ZRANB3: variants seen among roughly 807,000 people sequenced by gnomAD.
The protein encoded by ZRANB3 is zinc finger RANBP2-type containing 3.
A neutral mutation model predicts 133.8 loss-of-function variants in ZRANB3; 125 were observed. The ratio of observed to expected loss-of-function variants is 0.93; its 90% CI spans 0.81 to 1.08. The LOEUF is 1.08. ZRANB3 is among the 50% of genes least tolerant of loss of function. The pLI, the probability that ZRANB3 is intolerant of heterozygous loss-of-function variation, is 0.00. For synonymous variants in ZRANB3, 387 were observed against 432.7 expected (o/e 0.89, Z 1.31); for missense variants, 1,229 against 1,275.5 (o/e 0.96, Z 0.56).
intron 2 of ZRANB3, among the ~76,000 whole-genome samples, chr2:135,473,335 T>C (rs1384751937): frequency 1.3e-5 from 2 of 152,124 alleles, no homozygotes; most frequent in Non-Finnish European, 2.9e-5. Context: ...AATAAACATA[T>C]GCAAACATAC....
At chr2:135,479,261 G>C (rs1691648366) in intron 2 of ZRANB3, among the ~76,000 whole-genome samples, 1 of 152,150 alleles carries the variant, frequency 6.6e-6, no homozygotes, top group Non-Finnish European at 1.5e-5. Flanking sequence ...GAGAATCGTA[G>C]AAGGGTACTT....
chr2:135,474,417 T>G (rs1412239248), intron 2 of ZRANB3, among the ~76,000 whole-genome samples: 1 of 152,086 alleles, frequency 6.6e-6, no homozygotes, highest in East Asian at 1.9e-4. Flanking sequence ...ATGGTGGAGG[T>G]AGGGTATCGT....
chr2:135,434,204 C>T (rs1459253906), intron 2 of ZRANB3, among the ~76,000 whole-genome samples: 1 of 152,024 alleles, frequency 6.6e-6, no homozygotes, highest in East Asian at 1.9e-4. Flanking sequence ...GAAAATTGAT[C>T]CAGGGCAACC....
At chr2:135,433,377 A>C (rs1410887099) in intron 2 of ZRANB3, among the ~76,000 whole-genome samples, 4 of 151,982 alleles carry the variant, frequency 2.6e-5, no homozygotes, top group Non-Finnish European at 1.5e-5. Context: ...ACAAAGTGAG[A>C]CCCTGTCTTA....
At chr2:135,260,160 T>C (rs1182243854) in intron 12 of ZRANB3, among the ~76,000 whole-genome samples, 1 of 152,224 alleles carries the variant, frequency 6.6e-6, no homozygotes, top group East Asian at 1.9e-4. Flanking sequence ...ACCATTCTCC[T>C]GCCTGGAGAT....
At chr2:135,308,843 A>G (rs1042928626) in intron 8 of ZRANB3, among the ~76,000 whole-genome samples, 1 of 152,042 alleles carries the variant, frequency 6.6e-6, no homozygotes, top group Admixed American at 6.6e-5. Flanking sequence ...CCACCTTTAT[A>G]ATAACCACCT....
intron 3 of ZRANB3, among the ~76,000 whole-genome samples, chr2:135,383,638 C>T (rs1275523579): frequency 1.3e-5 from 2 of 152,142 alleles, no homozygotes; most frequent in South Asian, 2.1e-4. Flanking sequence ...GAAATTATAA[C>T]AAACTCTCTC....
At chr2:135,527,974 T>C (rs937452204) in intron 1 of ZRANB3, among the ~76,000 whole-genome samples, 3 of 152,218 alleles carry the variant, frequency 2.0e-5, no homozygotes, top group African/African-American at 7.2e-5. Context: ...TCCAGAATCC[T>C]GGGATGGAAT....
At chr2:135,413,587 C>A (rs573244730) in intron 2 of ZRANB3, among the ~76,000 whole-genome samples, 108 of 152,232 alleles carry the variant, frequency 7.1e-4, no homozygotes, top group African/African-American at 2.4e-3. Flanking sequence ...GTGATTTTCA[C>A]AAAAACACAT....
intron 2 of ZRANB3, among the ~76,000 whole-genome samples, chr2:135,395,253 G>A (rs1257398179): frequency 1.3e-5 from 2 of 151,898 alleles, no homozygotes; most frequent in African/African-American, 4.8e-5. Context: ...TGGGAGAAAG[G>A]GCAGTCTCTT....
intron 12 of ZRANB3, among the ~76,000 whole-genome samples, chr2:135,235,860 C>G (rs1209583495): frequency 6.6e-6 from 1 of 150,914 alleles, no homozygotes; most frequent in East Asian, 1.9e-4. Context: ...TGGAAGCATT[C>G]CCTTTGAAAA....
intron 2 of ZRANB3, among the ~76,000 whole-genome samples, chr2:135,492,107 G>A (rs1692409913): frequency 6.6e-6 from 1 of 152,072 alleles, no homozygotes; most frequent in Admixed American, 6.5e-5. Context: ...ATTATATAAT[G>A]ACATATTTAG....
chr2:135,367,595 T>A (rs55925313), intron 3 of ZRANB3, among the ~76,000 whole-genome samples: 12,522 of 152,008 alleles, frequency 0.082, 701 homozygotes, highest in South Asian at 0.23. Context: ...CTAAAAAAAA[T>A]AAATAAATAA....
At chr2:135,388,923 A>G (rs530368226) in intron 3 of ZRANB3, among the ~76,000 whole-genome samples, 238 of 152,150 alleles carry the variant, frequency 1.6e-3, no homozygotes, top group African/African-American at 5.4e-3. Flanking sequence ...CTAAAAATAC[A>G]AAAAATTAGC....
At chr2:135,409,572 TG>T (rs1264454552) in intron 2 of ZRANB3, among the ~76,000 whole-genome samples, 1 of 151,892 alleles carries the variant, frequency 6.6e-6, no homozygotes, top group Admixed American at 6.6e-5. Flanking sequence ...ACCGAAGAAC[TG>T]GAACGAGACT....
chr2:135,254,860 C>T (rs2105099430), intron 12 of ZRANB3, among the ~76,000 whole-genome samples: 1 of 152,104 alleles, frequency 6.6e-6, no homozygotes, highest in East Asian at 1.9e-4. Flanking sequence ...ACACCATTCT[C>T]CTGCCTCAGC....
At chr2:135,407,559 C>G (rs1688098685) in intron 2 of ZRANB3, among the ~76,000 whole-genome samples, 1 of 148,876 alleles carries the variant, frequency 6.7e-6, no homozygotes, top group Non-Finnish European at 1.5e-5. Context: ...ATCACACTAC[C>G]TGACTTCAAA....
At chr2:135,206,251 T>A (rs944221302) in intron 19 of ZRANB3, among the ~76,000 whole-genome samples, 1 of 152,182 alleles carries the variant, frequency 6.6e-6, no homozygotes, top group South Asian at 2.1e-4. Context: ...ACTTTTTTTT[T>A]TTTTTGGAGA....
chr2:135,434,985 T>A (rs1462293921), intron 2 of ZRANB3, among the ~76,000 whole-genome samples: 1 of 151,430 alleles, frequency 6.6e-6, no homozygotes, highest in Non-Finnish European at 1.5e-5. Context: ...AGAGTTAAAC[T>A]TTTTTTTTAA....
Sources: gnomAD v4.1 joint callset for allele counts (sites outside exome capture counted in the v4.1 genomes callset) on GRCh38, gnomAD v4.1.1 for gene constraint, MANE v1.5 for transcripts, NCBI Gene and HGNC (gene_info 2026-07-23, HGNC 2026-07-21) for gene names.